Variants in RANBP17 observed in about 807,000 individuals in gnomAD.
RANBP17 encodes the protein ran-binding protein 17.
A neutral mutation model predicts 141.2 loss-of-function variants in RANBP17; 158 were observed. The observed-to-expected ratio is 1.12, with a 90% CI of 0.98 to 1.28. The LOEUF is 1.28. RANBP17 is among the 50% of genes most tolerant of loss of function. RANBP17 has a pLI of 0.00. For missense variants in RANBP17, 1,438 were observed against 1,290.7 expected, an observed-to-expected ratio of 1.11 and a Z score of -1.75; for synonymous variants, 430 against 450.0, an observed-to-expected ratio of 0.96 and a Z score of 0.56.
chr5:171,142,741 C>G (rs1757789199), intron 14 of RANBP17, among the ~76,000 whole-genome samples: 2 of 152,102 alleles, frequency 1.3e-5, no homozygotes, highest in Admixed American at 6.6e-5. Flanking sequence ...TACCAGTATG[C>G]TGGATACTTT....
At chr5:171,016,601 G>T (rs1302684543) in intron 14 of RANBP17, among the ~76,000 whole-genome samples, 1 of 151,876 alleles carries the variant, frequency 6.6e-6, no homozygotes, top group Non-Finnish European at 1.5e-5. Flanking sequence ...TTTTACATAT[G>T]TATACGTGTG....
intron 1 of RANBP17, among the ~76,000 whole-genome samples, chr5:170,865,850 G>A (rs1253498999): frequency 1.3e-5 from 2 of 152,300 alleles, no homozygotes; most frequent in East Asian, 3.9e-4. Flanking sequence ...ACAGGATACA[G>A]ATTAAAATTG....
At chr5:171,241,386 CAT>C (rs1271818017) in intron 23 of RANBP17, among the ~76,000 whole-genome samples, 2 of 148,952 alleles carry the variant, frequency 1.3e-5, no homozygotes, top group Non-Finnish European at 3.0e-5. Context: ...ACTTGAGTAA[CAT>C]AGCCAAATCA....
intron 14 of RANBP17, among the ~76,000 whole-genome samples, chr5:170,976,916 G>A (rs944861985): frequency 5.3e-5 from 8 of 152,048 alleles, no homozygotes; most frequent in Non-Finnish European, 7.4e-5. Context: ...AAACATAGAA[G>A]TAAGTCTTTA....
intron 14 of RANBP17, among the ~76,000 whole-genome samples, chr5:171,024,077 G>A (rs1354473665): frequency 6.6e-6 from 1 of 152,088 alleles, no homozygotes; most frequent in East Asian, 1.9e-4. Flanking sequence ...TTAGATGCTA[G>A]AATTATAAAA....
intron 14 of RANBP17, among the ~76,000 whole-genome samples, chr5:171,104,568 G>C (rs1754645229): frequency 6.6e-6 from 1 of 152,162 alleles, no homozygotes; most frequent in South Asian, 2.1e-4. Context: ...GAACAGAAAT[G>C]ACCTGTTAGG....
Position 171,183,382 on chromosome 5 carries a change from C to T in RANBP17, c.1990C>T (p.Arg664Ter), listed in dbSNP as rs779783076. 10 of 1,613,768 alleles carry T rather than the reference C, an allele frequency of 6.2e-6. No individual in the cohort carries two copies. The highest frequency in any genetic ancestry group is 1.3e-5 in the African/African-American group (1 of 74,908). Residue 664 changes from arginine to a stop codon, truncating the protein, a stop_gained, in exon 18 of 28, where the codon CGA (arginine) becomes TGA (stop). Transcript: ENST00000523189. LOFTEE classifies it high-confidence loss of function. ...DNHSLSDFRC[R>*]TTFYTALTRL... Reference sequence around the variant, plus strand: ...TCATAGTCTCAGCGACTTCAGGTGTCGAACAACCTTCTACACAGCGCTCAC... The same window carrying T: ...TCATAGTCTCAGCGACTTCAGGTGTTGAACAACCTTCTACACAGCGCTCAC...
At chr5:171,015,192 A>C (rs1780345284) in intron 14 of RANBP17, among the ~76,000 whole-genome samples, 1 of 151,900 alleles carries the variant, frequency 6.6e-6, no homozygotes, top group Admixed American at 6.6e-5. Context: ...GTAAATTTTG[A>C]GTTTCATTTG....
intron 25 of RANBP17, among the ~76,000 whole-genome samples, chr5:171,269,110 A>T (rs936289194): frequency 1.3e-5 from 2 of 152,204 alleles, no homozygotes; most frequent in African/African-American, 4.8e-5. Context: ...TCTGGTAGTC[A>T]GCATAAATAT....
intron 12 of RANBP17, among the ~76,000 whole-genome samples, chr5:170,935,943 C>G (rs1234005092): frequency 6.6e-6 from 1 of 152,174 alleles, no homozygotes; most frequent in Non-Finnish European, 1.5e-5. Context: ...TGGGCTCCAC[C>G]CAGTTCGAGC....
chr5:171,289,351 T>G (rs1768345691), intron 25 of RANBP17, among the ~76,000 whole-genome samples: 1 of 152,178 alleles, frequency 6.6e-6, no homozygotes, highest in Admixed American at 6.5e-5. Context: ...TTCAACTTTC[T>G]TAGAAAAAAA....
intron 14 of RANBP17, among the ~76,000 whole-genome samples, chr5:171,041,091 G>A (rs1782220918): frequency 1.3e-5 from 2 of 152,080 alleles, no homozygotes; most frequent in Non-Finnish European, 2.9e-5. Context: ...GTTGTTGACA[G>A]GAGGCCTCAC....
At chr5:171,131,158 C>A (rs891229136) in intron 14 of RANBP17, among the ~76,000 whole-genome samples, 6 of 152,176 alleles carry the variant, frequency 3.9e-5, no homozygotes, top group Non-Finnish European at 7.3e-5. Context: ...ATTTAACTCA[C>A]AAGGCTGTTA....
chr5:171,232,553 A>G (rs372134656), intron 22 of RANBP17, among the ~76,000 whole-genome samples: 5 of 151,996 alleles, frequency 3.3e-5, no homozygotes, highest in African/African-American at 9.7e-5. Flanking sequence ...AAATCCAGCA[A>G]TGTTATTTCA....
intron 25 of RANBP17, 114 bp downstream of exon 25, chr5:171,265,961 AATAT>A: frequency 2.6e-6 from 2 of 761,252 alleles, no homozygotes; most frequent in Non-Finnish European, 4.2e-6. Context: ...ACTGGTAAAA[AATAT>A]ATATATATAT....
At position 171,000,566 on chromosome 5, in the gene RANBP17, A is replaced by G. The variant is rs528902954; in HGVS notation, c.1710+32189A>G. Among the ~76,000 whole-genome samples the G allele has an allele frequency of 2.0e-5, 3 of 152,332 alleles. No individual in the cohort carries two copies. In the East Asian group the frequency reaches 5.8e-4, roughly 29 times the overall value. ...ATTGACTATTGAAATCTACTGTGTC[A>G]CACGCATCCGTGTCATGCGCGTCCG... is the stretch of plus-strand genomic sequence containing the variant. On this transcript the variant is annotated intron_variant, in intron 14 of 27. Coordinates refer to ENST00000523189, the MANE Select transcript of RANBP17 (RefSeq NM_022897.5).
chr5:170,959,408 C>T (rs1018450496), intron 13 of RANBP17, among the ~76,000 whole-genome samples: 1 of 152,178 alleles, frequency 6.6e-6, no homozygotes, highest in Non-Finnish European at 1.5e-5. Context: ...TCATTTCCTA[C>T]CCTTTCCCAT....
chr5:170,923,264 C>T (rs545853067), intron 11 of RANBP17, among the ~76,000 whole-genome samples: 1 of 152,260 alleles, frequency 6.6e-6, no homozygotes, highest in South Asian at 2.1e-4. Flanking sequence ...AACAGACTAT[C>T]CTTTCTCCAT....
At chr5:171,057,156 T>C (rs1485554661) in intron 14 of RANBP17, among the ~76,000 whole-genome samples, 1 of 152,142 alleles carries the variant, frequency 6.6e-6, no homozygotes, top group African/African-American at 2.4e-5. Flanking sequence ...AAAATTCTGG[T>C]GTGCTTTTAT....
Sources: allele counts gnomAD v4.1 joint callset (sites outside exome capture counted in the v4.1 genomes callset), GRCh38; gene constraint gnomAD v4.1.1; transcripts MANE v1.5; gene names NCBI Gene and HGNC (gene_info 2026-07-23, HGNC 2026-07-21).